The following GPATCH1 variants were observed in gnomAD, a reference collection of about 807,000 sequenced individuals.
The protein encoded by GPATCH1 is G patch domain-containing protein 1.
A neutral mutation model predicts 114.9 loss-of-function variants in GPATCH1; 73 were observed. The observed-to-expected ratio is 0.64, with a 90% CI of 0.53 to 0.77. The LOEUF (loss-of-function observed/expected upper bound fraction) is 0.77, where lower values mean the gene tolerates loss of function less well. GPATCH1 is among the 30% of genes least tolerant of loss of function. The pLI is 0.00. For synonymous variants in GPATCH1, 391 were observed against 428.4 expected (o/e 0.91, Z 1.08); for missense variants, 1,058 against 1,144.3 (o/e 0.92, Z 1.09).
intron 1 of GPATCH1, among the ~76,000 whole-genome samples, chr19:33,085,451 C>T (rs771314367): frequency 1.3e-5 from 2 of 152,172 alleles, no homozygotes; most frequent in Middle Eastern, 3.4e-3. Context: ...ATGACTCGAA[C>T]CACTCCTACC....
At chr19:33,119,151 A>G (rs746009350) in intron 17 of GPATCH1, 34 bp downstream of exon 17, 3 of 1,267,556 alleles carry the variant, frequency 2.4e-6, no homozygotes, top group South Asian at 2.5e-5. Flanking sequence ...GCCCATTTTT[A>G]TCAGTGTGTG....
At chr19:33,095,402 C>T (rs1303929354) in intron 5 of GPATCH1, among the ~76,000 whole-genome samples, 1 of 151,762 alleles carries the variant, frequency 6.6e-6, no homozygotes, top group Non-Finnish European at 1.5e-5. Context: ...GCTGGGATTA[C>T]AGGCTTGCGC....
intron 9 of GPATCH1, among the ~76,000 whole-genome samples, chr19:33,102,199 TGGTG>T (rs1467944736): frequency 1.3e-5 from 2 of 150,800 alleles, no homozygotes; most frequent in Non-Finnish European, 2.9e-5. Flanking sequence ...CTAGGTGTGG[TGGTG>T]GGCGCCTGTA....
At chr19:33,096,986 C>G (rs1972668448) in intron 7 of GPATCH1, among the ~76,000 whole-genome samples, 2 of 146,608 alleles carry the variant, frequency 1.4e-5, no homozygotes, top group Non-Finnish European at 3.0e-5. Flanking sequence ...ACTCTTGTTG[C>G]CCAGGCTGGA....
intron 8 of GPATCH1, among the ~76,000 whole-genome samples, chr19:33,099,483 C>G (rs925511863): frequency 6.6e-6 from 1 of 152,058 alleles, no homozygotes; most frequent in African/African-American, 2.4e-5. Context: ...CTCTCTCCCC[C>G]AGCTTCCTCT....
chr19:33,097,648 G>A (rs2145312813), intron 7 of GPATCH1, 107 bp from the exon 8 acceptor site: 1 of 999,006 alleles, frequency 1.0e-6, no homozygotes, highest in African/African-American at 1.6e-5. Flanking sequence ...TGGTGATCTT[G>A]AAGTGCTAAC....
intron 1 of GPATCH1, among the ~76,000 whole-genome samples, chr19:33,085,135 G>A (rs1243220052): frequency 2.0e-5 from 3 of 152,166 alleles, no homozygotes; most frequent in Non-Finnish European, 4.4e-5. Context: ...GGAGTGTCCT[G>A]AGAACGGGAG....
chr19:33,107,826 CT>C (rs1042779669), intron 10 of GPATCH1, among the ~76,000 whole-genome samples: 29 of 149,456 alleles, frequency 1.9e-4, no homozygotes, highest in African/African-American at 4.7e-4. Context: ...AGGCCTAATT[CT>C]TTTTTTTTTC....
Position 33,107,779 on chromosome 19 carries a change from G to A in GPATCH1, c.1285+880G>A, listed in dbSNP as rs149720057. Among the ~76,000 whole-genome samples, 683 of 151,980 alleles carry A rather than the reference G, an allele frequency of 4.5e-3. 5 individuals carry two copies. The highest frequency in any genetic ancestry group is 7.1e-3 in the Non-Finnish European group (481 of 67,954). ...CTAAGTCTTCTCATCTCAGGAAGTG[G>A]TGCCACCATGATCCACTGCTCGGAC... On this transcript the variant is annotated intron_variant, in intron 10 of 19. Transcript: ENST00000170564.
At chr19:33,088,058 T>C (rs1415050856) in intron 1 of GPATCH1, 76 bp from the exon 2 acceptor site, 1 of 787,496 alleles carries the variant, frequency 1.3e-6, no homozygotes, top group African/African-American at 1.8e-5. Context: ...ATTTAAAAAG[T>C]GACATTTTCC....
intron 3 of GPATCH1, among the ~76,000 whole-genome samples, chr19:33,091,798 T>C (rs1339045175): frequency 6.6e-6 from 1 of 152,170 alleles, no homozygotes; most frequent in East Asian, 1.9e-4. Flanking sequence ...TATCAGCATG[T>C]GCGAGGCTGC....
At chr19:33,111,694 G>T (rs775356881) in intron 11 of GPATCH1, 30 bp from the exon 12 acceptor site, 3 of 1,608,202 alleles carry the variant, frequency 1.9e-6, no homozygotes, top group East Asian at 4.5e-5. Flanking sequence ...CCTGAAAAGT[G>T]AAGCTGCTTC....
chr19:33,097,385 G>A (rs1204658075), intron 7 of GPATCH1, among the ~76,000 whole-genome samples: 1 of 152,180 alleles, frequency 6.6e-6, no homozygotes, highest in Non-Finnish European at 1.5e-5. Context: ...AGCCACCAGC[G>A]TTGGCCCAGG....
At chr19:33,091,429 A>G (rs2145305479) in intron 3 of GPATCH1, among the ~76,000 whole-genome samples, 1 of 151,556 alleles carries the variant, frequency 6.6e-6, no homozygotes, top group African/African-American at 2.4e-5. Flanking sequence ...AAAAAAAAAA[A>G]AAAAAAAAAG....
At chr19:33,092,680 G>A (rs1258885046) in intron 3 of GPATCH1, among the ~76,000 whole-genome samples, 1 of 152,218 alleles carries the variant, frequency 6.6e-6, no homozygotes, top group East Asian at 1.9e-4. Flanking sequence ...AAAGGCACCT[G>A]ACTCTAGGCC....
chr19:33,127,367 A>G (rs1172057261), intron 19 of GPATCH1, among the ~76,000 whole-genome samples: 1 of 151,626 alleles, frequency 6.6e-6, no homozygotes, highest in Non-Finnish European at 1.5e-5. Context: ...AAATACAAAA[A>G]TTAGCTGGGC....
intron 6 of GPATCH1, 148 bp from the exon 7 acceptor site, chr19:33,096,059 G>A: frequency 2.3e-6 from 2 of 856,986 alleles, no homozygotes; most frequent in South Asian, 3.4e-5. Flanking sequence ...CTTTGTGCCA[G>A]AAAGTGATTT....
chr19:33,124,001 A>C (rs76374421), intron 17 of GPATCH1, among the ~76,000 whole-genome samples: 2 of 151,934 alleles, frequency 1.3e-5, no homozygotes, highest in Non-Finnish European at 2.9e-5. Flanking sequence ...TTACAGATGC[A>C]TGCCACCACG....
chr19:33,083,046 G>A (rs1972495585), intron 1 of GPATCH1, among the ~76,000 whole-genome samples: 1 of 151,796 alleles, frequency 6.6e-6, no homozygotes, highest in Admixed American at 6.6e-5. Context: ...TAACCATCCT[G>A]GCTAACACGG....
Sources: gnomAD v4.1 joint callset for allele counts (sites outside exome capture counted in the v4.1 genomes callset) on GRCh38, gnomAD v4.1.1 for gene constraint, MANE v1.5 for transcripts, NCBI Gene and HGNC (gene_info 2026-07-23, HGNC 2026-07-21) for gene names.